FAF1: variants seen among roughly 807,000 people sequenced by gnomAD.
FAF1 encodes FAS-associated factor 1.
In FAF1, 25 loss-of-function variants were observed where a neutral mutation model predicts 92.5. The ratio of observed to expected loss-of-function variants is 0.27; its 90% CI spans 0.20 to 0.38. The LOEUF is 0.38. FAF1 is among the 10% of genes least tolerant of loss of function. The pLI is 1.00. For missense variants in FAF1, 636 were observed against 793.3 expected (o/e 0.80, Z 2.38); for synonymous variants, 234 against 273.2 (o/e 0.86, Z 1.42).
intron 1 of FAF1, among the ~76,000 whole-genome samples, chr1:50,888,544 C>T (rs2124697436): frequency 6.6e-6 from 1 of 152,268 alleles, no homozygotes; most frequent in Admixed American, 6.5e-5. Context: ...TATTGAGATA[C>T]ATCCCATTAA....
intron 6 of FAF1, among the ~76,000 whole-genome samples, chr1:50,707,255 TC>T (rs1453488181): frequency 1.3e-5 from 2 of 151,878 alleles, no homozygotes; most frequent in Non-Finnish European, 2.9e-5. Flanking sequence ...CCTATTGTCT[TC>T]CATAGCGTTC....
chr1:50,959,714 A>C, intron 1 of FAF1, 53 bp downstream of exon 1: 1 of 1,521,982 alleles, frequency 6.6e-7, no homozygotes, highest in South Asian at 1.1e-5. Flanking sequence ...CCCTTGTGGC[A>C]CCGGAAACCC....
chr1:50,472,013 AGAG>A (rs1646579137), intron 18 of FAF1, among the ~76,000 whole-genome samples: 1 of 152,162 alleles, frequency 6.6e-6, no homozygotes, highest in African/African-American at 2.4e-5. Context: ...GAAGTGGCAC[AGAG>A]GAGGAAGGCT....
intron 15 of FAF1, 138 bp from the exon 16 acceptor site, chr1:50,491,939 AT>A (rs1646843343): frequency 9.8e-6 from 6 of 614,166 alleles, no homozygotes; most frequent in Non-Finnish European, 1.7e-5. Flanking sequence ...TGTATAGGAC[AT>A]AAATAAGCAA....
intron 6 of FAF1, among the ~76,000 whole-genome samples, chr1:50,708,726 A>G (rs944585062): frequency 4.6e-5 from 7 of 152,178 alleles, no homozygotes. Flanking sequence ...GCAGAGGAGA[A>G]TGAGTCAGTT....
intron 8 of FAF1, among the ~76,000 whole-genome samples, chr1:50,647,390 G>T (rs750896642): frequency 6.6e-6 from 1 of 152,098 alleles, no homozygotes; most frequent in Non-Finnish European, 1.5e-5. Flanking sequence ...CTTTCTGTAC[G>T]TCACTTTCCT....
rs60944603 is a variant in FAF1 at position 50,664,797 on chromosome 1, T to TAAAC, written c.658-9273_658-9270dup. ...CGACAGAGCGAGACTCCGTCTCAAA[T>TAAAC]AAACAAACAAACAAACAAACAAACA... On this transcript the variant is annotated intron_variant, in intron 7 of 18. Coordinates refer to ENST00000396153, the MANE Select transcript of FAF1 (RefSeq NM_007051.3). Among the ~76,000 whole-genome samples, 628 of 151,176 alleles carry TAAAC rather than the reference T, an allele frequency of 4.2e-3. 10 individuals are homozygous for TAAAC. Among genetic ancestry groups the TAAAC allele is most frequent in the East Asian group, 0.031 (159 of 5,144 alleles).
intron 6 of FAF1, among the ~76,000 whole-genome samples, chr1:50,737,551 G>T (rs968017192): frequency 6.6e-6 from 1 of 152,006 alleles, no homozygotes; most frequent in Non-Finnish European, 1.5e-5. Flanking sequence ...TAAACACATG[G>T]ACCATAAGTT....
At chr1:50,652,647 T>C (rs1312658560) in intron 8 of FAF1, among the ~76,000 whole-genome samples, 1 of 152,240 alleles carries the variant, frequency 6.6e-6, no homozygotes, top group Admixed American at 6.5e-5. Context: ...GAGAACAGTA[T>C]AATAAACCCA....
At chr1:50,760,187 C>G (rs1660266073) in intron 4 of FAF1, among the ~76,000 whole-genome samples, 1 of 152,058 alleles carries the variant, frequency 6.6e-6, no homozygotes, top group African/African-American at 2.4e-5. Context: ...ATTCATAAAG[C>G]AAGTCCTGAG....
chr1:50,534,690 T>A (rs988991630), intron 15 of FAF1, among the ~76,000 whole-genome samples: 4 of 152,226 alleles, frequency 2.6e-5, no homozygotes, highest in African/African-American at 9.6e-5. Context: ...CTGATTGATA[T>A]ACAACTTCAC....
chr1:50,885,312 T>TCTCTCACACACACACACACACACACACA (rs906105476), intron 1 of FAF1, among the ~76,000 whole-genome samples: 3 of 137,370 alleles, frequency 2.2e-5, no homozygotes, highest in Non-Finnish European at 3.2e-5. Flanking sequence ...TCTCTCTCTC[T>TCTCTCACACACACACACACACACACACA]CACACACACA....
At chr1:50,846,218 A>T (rs1177847767) in intron 2 of FAF1, among the ~76,000 whole-genome samples, 1 of 152,158 alleles carries the variant, frequency 6.6e-6, no homozygotes, top group Non-Finnish European at 1.5e-5. Context: ...TACGATGTAC[A>T]GCTTTCAATA....
intron 8 of FAF1, among the ~76,000 whole-genome samples, chr1:50,618,363 G>A (rs1412633207): frequency 1.4e-5 from 2 of 147,526 alleles, no homozygotes; most frequent in African/African-American, 2.5e-5. Context: ...TCACTCAGGA[G>A]TTATTCTGGA....
chr1:50,924,079 A>G (rs1189972518), intron 1 of FAF1, among the ~76,000 whole-genome samples: 1 of 152,228 alleles, frequency 6.6e-6, no homozygotes, highest in African/African-American at 2.4e-5. Flanking sequence ...CAACCAGACA[A>G]GAGGAAGAAG....
At chr1:50,734,926 T>TA (rs1465272924) in intron 6 of FAF1, among the ~76,000 whole-genome samples, 2 of 152,184 alleles carry the variant, frequency 1.3e-5, no homozygotes, top group East Asian at 3.9e-4. Context: ...AGGGAGAAGG[T>TA]ACAATAAGAA....
chr1:50,681,509 T>C (rs898809688), intron 7 of FAF1, among the ~76,000 whole-genome samples: 19 of 152,124 alleles, frequency 1.2e-4, no homozygotes, highest in Non-Finnish European at 1.9e-4. Context: ...CAGCACAATC[T>C]TTCTTTTCTT....
chr1:50,693,985 A>G (rs1657056608), intron 7 of FAF1, among the ~76,000 whole-genome samples: 1 of 141,412 alleles, frequency 7.1e-6, no homozygotes, highest in Admixed American at 7.7e-5. Flanking sequence ...AGTGATCTAT[A>G]TGTATATGTG....
At chr1:50,458,248 A>G (rs973156257) in intron 18 of FAF1, among the ~76,000 whole-genome samples, 1 of 152,314 alleles carries the variant, frequency 6.6e-6, no homozygotes, top group South Asian at 2.1e-4. Context: ...AGGTTTAAGT[A>G]TATCAATATA....
Sources: allele counts gnomAD v4.1 joint callset (sites outside exome capture counted in the v4.1 genomes callset), GRCh38; gene constraint gnomAD v4.1.1; transcripts MANE v1.5; gene names NCBI Gene and HGNC (gene_info 2026-07-23, HGNC 2026-07-21).